The following B4GALT7 variants were observed in gnomAD, a reference collection of about 807,000 sequenced individuals.
B4GALT7 encodes UDP-Gal:beta-GlcNAc beta-1,4-galactosyltransferase 7.
Under a neutral mutation model 33.0 loss-of-function variants are expected in B4GALT7, and 30 were observed. The observed-to-expected ratio is 0.91, with a 90% CI of 0.68 to 1.23. The LOEUF (loss-of-function observed/expected upper bound fraction) is 1.23, where lower values mean the gene tolerates loss of function less well. Ranked by LOEUF, B4GALT7 falls within the 50% of genes most tolerant of loss-of-function variation. The pLI, the probability that B4GALT7 is intolerant of heterozygous loss-of-function variation, is 0.00. For synonymous variants in B4GALT7, 213 were observed against 187.2 expected (o/e 1.14, Z -1.13); for missense variants, 507 against 450.8 (o/e 1.12, Z -1.13).
chr5:177,607,106 G>A (rs1036308645), intron 2 of B4GALT7, 196 bp from the exon 3 acceptor site: 12 of 650,544 alleles, frequency 1.8e-5, no homozygotes, highest in South Asian at 6.7e-5. Flanking sequence ...TGTACCTCCC[G>A]TGCTTTGAAT....
At chr5:177,601,817 A>G (rs1767858039) in intron 1 of B4GALT7, among the ~76,000 whole-genome samples, 1 of 152,150 alleles carries the variant, frequency 6.6e-6, no homozygotes, top group South Asian at 2.1e-4. Flanking sequence ...ACCAGGAACA[A>G]TTGTTCTCGG....
chr5:177,603,157 A>C, intron 1 of B4GALT7: 1 of 958,592 alleles, frequency 1.0e-6, no homozygotes, highest in Non-Finnish European at 1.2e-6. Flanking sequence ...CTGGGATTAC[A>C]GGCGTGAGCC....
At position 177,610,074 on chromosome 5, in the gene B4GALT7, G is replaced by C. The variant is rs1055774499; in HGVS notation, c.*379G>C. On this transcript the variant is annotated 3_prime_UTR_variant, in exon 6 of 6. Transcript: ENST00000029410. ...CCTTCCTGCTGGGCTGCCTCGTGCA[G>C]AGACACAGTGTAGGGGCCATGCAGC... is the stretch of plus-strand genomic sequence containing the variant. 9.2e-6 allele frequency: 3 copies of C among 327,368 alleles called. No homozygotes were observed. The Admixed American group carries it at 1.2e-4, about 13-fold the overall frequency. 20.3% of individuals were successfully genotyped at this position (327,368 alleles called of 1,614,324 possible).
rs79392633 is a variant in B4GALT7 at position 177,606,891 on chromosome 5, T to A, written c.414-411T>A. On this transcript the variant is annotated intron_variant, in intron 2 of 5. Transcript: ENST00000029410. This position sits in a 1 kb window ranked among gnomAD's most constrained non-coding sequence, Gnocchi z 4.2. ...TGGGTCATCTCTTCAGGCCTTCAGG[T>A]TTCTGTCACTCAGTTCCCCTGGCCC... is the stretch of plus-strand genomic sequence containing the variant. The A allele has an allele frequency of 0.1, 36,131 of 347,340 alleles. 2,767 individuals carry two copies. Among genetic ancestry groups the A allele is most frequent in the East Asian group, 0.3 (4,038 of 13,318 alleles). 21.5% of individuals were successfully genotyped at this position (347,340 alleles called of 1,614,324 possible).
chr5:177,609,765 C>A lies in B4GALT7; in HGVS notation c.*70C>A. 1 of 1,539,864 alleles carries A rather than the reference C, an allele frequency of 6.5e-7. No individual in the cohort carries two copies. Among genetic ancestry groups the A allele is most frequent in the South Asian group, 1.2e-5 (1 of 84,020 alleles). On this transcript the variant is annotated 3_prime_UTR_variant, in exon 6 of 6. Transcript: ENST00000029410. ...TCAGGCTCAGGACAAGGCCTCAGGT[C>A]GTGGGCCCAGCTCTGACAGGATGTG...
At chr5:177,609,084 C>A (rs1768103250) in intron 5 of B4GALT7, 70 bp downstream of exon 5, 2 of 1,400,206 alleles carry the variant, frequency 1.4e-6, no homozygotes, top group South Asian at 1.2e-5. Flanking sequence ...CGGGCTTTCA[C>A]CAAGTTCTCC....
At position 177,610,072 on chromosome 5, in the gene B4GALT7, C is replaced by T. The variant is rs1013935929; in HGVS notation, c.*377C>T. On this transcript the variant is annotated 3_prime_UTR_variant, in exon 6 of 6. Coordinates refer to ENST00000029410, the MANE Select transcript of B4GALT7 (RefSeq NM_007255.3). ...TTCCTTCCTGCTGGGCTGCCTCGTGCAGAGACACAGTGTAGGGGCCATGCA... is the reference window on the plus strand; with the variant it reads ...TTCCTTCCTGCTGGGCTGCCTCGTGTAGAGACACAGTGTAGGGGCCATGCA... 1.2e-5 allele frequency: 4 copies of T among 326,730 alleles called. No homozygotes were observed. Among genetic ancestry groups the T allele is most frequent in the Admixed American group, 4.1e-5 (1 of 24,604 alleles). The allele number at this position is 326,730 out of a possible 1,614,324, so 20.2% of individuals were successfully genotyped here.
In B4GALT7 at chr5:177,606,592, C is replaced by G. The variant is rs1768018655; in HGVS notation, c.414-710C>G. ...GCTGGTCTCCCTGCTTTCACCCCTG[C>G]TCTGACAGTCTCTTCCAGCACAACA... On this transcript the variant is annotated intron_variant, in intron 2 of 5. Coordinates refer to ENST00000029410, the MANE Select transcript of B4GALT7 (RefSeq NM_007255.3). The surrounding 1 kb of genome is among the most constrained non-coding windows in gnomAD (Gnocchi z 4.2). The G allele has an allele frequency of 6.5e-6, 1 of 154,988 alleles. No individual in the cohort carries two copies. The highest frequency in any genetic ancestry group is 1.4e-5 in the Non-Finnish European group (1 of 69,840). 9.6% of individuals were successfully genotyped at this position (154,988 alleles called of 1,614,324 possible). A position where few individuals can be genotyped will look rare whatever the true frequency, so the allele number is the denominator to read the frequency against.
At chr5:177,601,279 C>T (rs549747717) in intron 1 of B4GALT7, 3 of 152,296 alleles carry the variant, frequency 2.0e-5, no homozygotes, top group Non-Finnish European at 2.9e-5. Context: ...TGCATCTGTC[C>T]GACCGCAGCC....
Position 177,608,856 on chromosome 5 carries a change from G to T in B4GALT7, c.724-54G>T. 1 of 1,493,268 alleles carries T rather than the reference G, an allele frequency of 6.7e-7. No homozygotes were observed. 92.5% of individuals were successfully genotyped at this position (1,493,268 alleles called of 1,614,324 possible). On this transcript the variant is annotated intron_variant, in intron 4 of 5. Transcript: ENST00000029410. This position sits in a 1 kb window ranked among gnomAD's most constrained non-coding sequence, Gnocchi z 4.1. Reference sequence around the variant, plus strand: ...GTGGGACCTCGGGAGCTGGTGGTGAGGGCTGGGGCTCCAGGAAGGGCAGCC... The same window carrying T: ...GTGGGACCTCGGGAGCTGGTGGTGATGGCTGGGGCTCCAGGAAGGGCAGCC...
intron 3 of B4GALT7, chr5:177,607,922 T>C (rs1160288871): frequency 3.3e-6 from 1 of 301,616 alleles, no homozygotes; most frequent in Non-Finnish European, 6.4e-6. Context: ...CCCGGGCTGG[T>C]GGGAGATGGG....
In B4GALT7 at chr5:177,607,500, G is replaced by A. The variant is rs1561815548; in HGVS notation, c.612G>A (p.Leu204=). The A allele has an allele frequency of 6.2e-7, 1 of 1,612,944 alleles. No individual in the cohort carries two copies. The highest frequency in any genetic ancestry group is 1.7e-5 in the Admixed American group (1 of 60,030). Reference sequence around the variant, plus strand: ...ACAAGACCTATGTCGGCGGCATCCTGCTGCTCTCCAAGCAGCACTACCGGC... The same window carrying A: ...ACAAGACCTATGTCGGCGGCATCCTACTGCTCTCCAAGCAGCACTACCGGC... ...YHYKTYVGGI[L]LLSKQHYRLC... The change falls in exon 3 of 6, where the codon CTG becomes CTA. Residue 204 remains leucine (L), a synonymous_variant. Coordinates refer to ENST00000029410, the MANE Select transcript of B4GALT7 (RefSeq NM_007255.3).
intron 1 of B4GALT7, chr5:177,603,969 G>A: frequency 1.5e-6 from 1 of 662,098 alleles, no homozygotes; most frequent in Non-Finnish European, 2.6e-6. Context: ...TCCCGAGAGC[G>A]GGTGGCATGG....
In B4GALT7 at chr5:177,608,879, G is replaced by A. The variant is rs1189662127; in HGVS notation, c.724-31G>A. The A allele has an allele frequency of 6.3e-7, 1 of 1,588,550 alleles. No homozygotes were observed. The highest frequency in any genetic ancestry group is 8.6e-7 in the Non-Finnish European group (1 of 1,158,278). On this transcript the variant is annotated intron_variant, in intron 4 of 5. Coordinates refer to ENST00000029410, the MANE Select transcript of B4GALT7 (RefSeq NM_007255.3). The surrounding 1 kb of genome is among the most constrained non-coding windows in gnomAD (Gnocchi z 4.1). ...GAGGGCTGGGGCTCCAGGAAGGGCA[G>A]CCTGACCCCGACTTCCTTGGACCTC...
intron 1 of B4GALT7, 187 bp from the exon 2 acceptor site, chr5:177,603,992 G>T: frequency 1.2e-6 from 1 of 868,066 alleles, no homozygotes. Context: ...TGGGTCTAGA[G>T]AGGCAAGCAG....
At chr5:177,604,907 G>A (rs1009913869) in intron 2 of B4GALT7, 2 of 459,182 alleles carry the variant, frequency 4.4e-6, no homozygotes, top group East Asian at 1.3e-4. Context: ...ATTAGGGAAA[G>A]GGAGGGTCAA....
In B4GALT7 at chr5:177,600,199, C is replaced by T; in HGVS notation, c.-12C>T. Reference sequence around the variant, plus strand: ...CGAGCGCCTGCCCCATGCGCCGCCGCCTCTCCGCACGATGTTCCCCTCGCG... The same window carrying T: ...CGAGCGCCTGCCCCATGCGCCGCCGTCTCTCCGCACGATGTTCCCCTCGCG... On this transcript the variant is annotated 5_prime_UTR_variant, in exon 1 of 6. Transcript: ENST00000029410. The surrounding 1 kb of genome is among the most constrained non-coding windows in gnomAD (Gnocchi z 4.4). The T allele has an allele frequency of 1.5e-6, 2 of 1,365,784 alleles. No individual in the cohort carries two copies. Among genetic ancestry groups the T allele is most frequent in the Non-Finnish European group, 1.9e-6 (2 of 1,053,108 alleles). 84.6% of individuals were successfully genotyped at this position (1,365,784 alleles called of 1,614,324 possible). A position where few individuals can be genotyped will look rare whatever the true frequency, so the allele number is the denominator to read the frequency against.
intron 3 of B4GALT7, 37 bp downstream of exon 3, chr5:177,607,564 A>G (rs1768053456): frequency 8.2e-6 from 13 of 1,582,458 alleles, no homozygotes; most frequent in Non-Finnish European, 1.1e-5. Context: ...CAGAGCCGGG[A>G]GCTCCCTCCA....
rs1581997638 is a variant in B4GALT7, at chr5:177,609,716, G to C, written c.*21G>C. 1.3e-6 allele frequency: 2 copies of C among 1,585,362 alleles called. No individual in the cohort carries two copies. The highest frequency in any genetic ancestry group is 2.7e-5 in the African/African-American group (2 of 74,386). On this transcript the variant is annotated 3_prime_UTR_variant, in exon 6 of 6. Transcript: ENST00000029410. Reference sequence around the variant, plus strand: ...GCTGAGCTGGATGGACAGTGAGGAAGCCTGTACCTACAGGCCATATTGCTC... The same window carrying C: ...GCTGAGCTGGATGGACAGTGAGGAACCCTGTACCTACAGGCCATATTGCTC...
Sources: allele counts gnomAD v4.1 joint callset (sites outside exome capture counted in the v4.1 genomes callset), GRCh38; gene constraint gnomAD v4.1.1; non-coding constraint Gnocchi (gnomAD v3.1); transcripts MANE v1.5; gene names NCBI Gene and HGNC (gene_info 2026-07-23, HGNC 2026-07-21).